The following RHOJ variants were observed in gnomAD, a reference collection of about 807,000 sequenced individuals.
The protein encoded by RHOJ is rho-related GTP-binding protein RhoJ.
A neutral mutation model predicts 23.4 loss-of-function variants in RHOJ; 11 were observed. The ratio of observed to expected loss-of-function variants is 0.47; its 90% confidence interval spans 0.30 to 0.78. RHOJ has a LOEUF of 0.78. Among genes scored for constraint, RHOJ ranks in the 30% least tolerant of loss-of-function variants. The pLI is 0.08. For missense variants in RHOJ, 254 were observed against 273.4 expected (o/e 0.93, Z 0.50); for synonymous variants, 102 against 102.7 (o/e 0.99, Z 0.04).
At chr14:63,233,789 AT>A (rs1196863745) in intron 1 of RHOJ, among the ~76,000 whole-genome samples, 2 of 152,166 alleles carry the variant, frequency 1.3e-5, no homozygotes, top group African/African-American at 4.8e-5. Flanking sequence ...CTTGGGACTC[AT>A]TCTCCATATT....
chr14:63,246,787 T>C (rs1442763177), intron 1 of RHOJ, among the ~76,000 whole-genome samples: 3 of 152,194 alleles, frequency 2.0e-5, no homozygotes, highest in African/African-American at 4.8e-5. Flanking sequence ...CTGTGCACTA[T>C]TGTGAGCCAG....
At chr14:63,231,167 G>T (rs549946103) in intron 1 of RHOJ, among the ~76,000 whole-genome samples, 2 of 152,294 alleles carry the variant, frequency 1.3e-5, no homozygotes, top group East Asian at 3.9e-4. Flanking sequence ...AGGATTACAT[G>T]TGTGAGCCAC....
At chr14:63,270,328 G>A (rs751914136) in intron 2 of RHOJ, among the ~76,000 whole-genome samples, 21 of 152,166 alleles carry the variant, frequency 1.4e-4, no homozygotes, top group Non-Finnish European at 2.6e-4. Context: ...AAAGGCTGGT[G>A]TTGGCCAGGC....
rs967818908 is a variant in RHOJ, at chr14:63,292,749, G to C, written c.*1725G>C. The C allele has an allele frequency of 6.6e-6, 1 of 152,124 alleles. No individual in the cohort carries two copies. 9.4% of individuals were successfully genotyped at this position (152,124 alleles called of 1,614,324 possible). ...GGGCCGCTTGAGCTCAGGAGTTCAA[G>C]ACCAGCCTGGGTAATATAGTGAGAT... is the stretch of plus-strand genomic sequence containing the variant. On this transcript the variant is annotated 3_prime_UTR_variant, in exon 5 of 5. Coordinates refer to ENST00000316754, the MANE Select transcript of RHOJ (RefSeq NM_020663.5).
At chr14:63,206,959 G>A (rs1317156605) in intron 1 of RHOJ, among the ~76,000 whole-genome samples, 2 of 151,846 alleles carry the variant, frequency 1.3e-5, no homozygotes, top group African/African-American at 2.4e-5. Context: ...TTTCAGTAAG[G>A]TTAAAAAGAG....
At chr14:63,207,033 T>C (rs1162242433) in intron 1 of RHOJ, among the ~76,000 whole-genome samples, 2 of 144,572 alleles carry the variant, frequency 1.4e-5, no homozygotes, top group Non-Finnish European at 3.0e-5. Context: ...TTCTTTTCTT[T>C]TCTTTTTTTT....
chr14:63,235,476 T>C (rs972771651), intron 1 of RHOJ, among the ~76,000 whole-genome samples: 1 of 152,206 alleles, frequency 6.6e-6, no homozygotes, highest in African/African-American at 2.4e-5. Context: ...AAAGTATTTA[T>C]AGGTAAAATG....
At chr14:63,228,064 T>C (rs1439222371) in intron 1 of RHOJ, among the ~76,000 whole-genome samples, 4 of 152,212 alleles carry the variant, frequency 2.6e-5, no homozygotes, top group Admixed American at 6.5e-5. Context: ...CCCCTAGGGC[T>C]GTAGGACAGA....
intron 1 of RHOJ, among the ~76,000 whole-genome samples, chr14:63,234,636 A>G (rs1894755720): frequency 6.6e-6 from 1 of 152,210 alleles, no homozygotes; most frequent in Non-Finnish European, 1.5e-5. Context: ...CACACATATA[A>G]TTATATAGTT....
chr14:63,271,176 AACTC>A (rs1304902096), intron 2 of RHOJ, among the ~76,000 whole-genome samples: 4 of 152,218 alleles, frequency 2.6e-5, no homozygotes, highest in African/African-American at 9.6e-5. Context: ...TTTTTCAACT[AACTC>A]TCACTTGAAT....
intron 1 of RHOJ, among the ~76,000 whole-genome samples, chr14:63,230,490 G>T (rs1315564281): frequency 6.6e-6 from 1 of 151,954 alleles, no homozygotes; most frequent in African/African-American, 2.4e-5. Context: ...ATCAAAACTA[G>T]CAGTAGTTCC....
intron 1 of RHOJ, among the ~76,000 whole-genome samples, chr14:63,252,427 A>T (rs1228004048): frequency 6.6e-6 from 1 of 152,224 alleles, no homozygotes; most frequent in Non-Finnish European, 1.5e-5. Context: ...CTACTGATTC[A>T]GTATCCGGTA....
chr14:63,248,691 A>G lies in RHOJ; in HGVS notation c.179-20419A>G, dbSNP rs76909956. Among the ~76,000 whole-genome samples the G allele has an allele frequency of 4.0e-3, 616 of 152,340 alleles. 14 individuals are homozygous for G. The East Asian group carries it at 0.056, about 14-fold the overall frequency. On this transcript the variant is annotated intron_variant, in intron 1 of 4. Coordinates refer to ENST00000316754, the MANE Select transcript of RHOJ (RefSeq NM_020663.5). ...AAACATTTATTGGCATGGTGGAGCC[A>G]CAGAATGAACAAGGCAGACACAGTC...
At chr14:63,222,287 G>A (rs544510045) in intron 1 of RHOJ, among the ~76,000 whole-genome samples, 114 of 152,106 alleles carry the variant, frequency 7.5e-4, no homozygotes, top group African/African-American at 2.5e-3. Context: ...ATAAACATAC[G>A]TGTGCGTGTG....
chr14:63,269,522 A>AT (rs769947212), intron 2 of RHOJ, among the ~76,000 whole-genome samples: 2 of 151,986 alleles, frequency 1.3e-5, no homozygotes, highest in Non-Finnish European at 2.9e-5. Flanking sequence ...AGTTCCACAC[A>AT]TGTTTTTTCA....
chr14:63,208,596 C>A (rs1894164368), intron 1 of RHOJ, among the ~76,000 whole-genome samples: 1 of 152,122 alleles, frequency 6.6e-6, no homozygotes, highest in Non-Finnish European at 1.5e-5. Flanking sequence ...ATGCCACATT[C>A]TCCTGGTTTT....
At chr14:63,272,839 T>A (rs1895495842) in intron 2 of RHOJ, among the ~76,000 whole-genome samples, 3 of 152,138 alleles carry the variant, frequency 2.0e-5, no homozygotes, top group Non-Finnish European at 4.4e-5. Context: ...GCCTGGCCAA[T>A]ACGGTGAAAC....
intron 2 of RHOJ, among the ~76,000 whole-genome samples, chr14:63,279,519 A>C (rs1387072316): frequency 6.6e-6 from 1 of 152,214 alleles, no homozygotes; most frequent in Non-Finnish European, 1.5e-5. Flanking sequence ...ACCTCCTAAA[A>C]CATTTTACAT....
rs531369155 is a variant in RHOJ, at chr14:63,247,036, G to T, written c.179-22074G>T. Reference sequence around the variant, plus strand: ...TACAGATTTTGAGACAGAACTGGAAGGGGATTCAGAACAAGTCTGGAATCA... The same window carrying T: ...TACAGATTTTGAGACAGAACTGGAATGGGATTCAGAACAAGTCTGGAATCA... On this transcript the variant is annotated intron_variant, in intron 1 of 4. Coordinates refer to ENST00000316754, the MANE Select transcript of RHOJ (RefSeq NM_020663.5). Among the ~76,000 whole-genome samples, 20 of 152,300 alleles carry T rather than the reference G, an allele frequency of 1.3e-4. No individual in the cohort carries two copies. The South Asian group carries it at 4.1e-3, about 32-fold the overall frequency.
Sources: allele counts gnomAD v4.1 joint callset (sites outside exome capture counted in the v4.1 genomes callset), GRCh38; gene constraint gnomAD v4.1.1; transcripts MANE v1.5; gene names NCBI Gene and HGNC (gene_info 2026-07-23, HGNC 2026-07-21).